Variants in RPS6KC1 observed in about 807,000 individuals in gnomAD.
RPS6KC1 encodes inactive ribosomal protein S6 kinase delta-1.
RPS6KC1 carries 54 observed loss-of-function variants against 103.8 expected under a neutral mutation model. That is an observed-to-expected ratio of 0.52 (90% CI 0.42 to 0.65). The LOEUF is 0.65. Ranked by LOEUF, RPS6KC1 falls within the 30% of genes least tolerant of loss-of-function variation. The pLI is 0.00. For missense variants in RPS6KC1, 1,151 were observed against 1,253.8 expected (o/e 0.92, Z 1.24); for synonymous variants, 439 against 438.7 (o/e 1.00, Z -0.01).
chr1:213,137,274 T>G (rs2149052886), intron 6 of RPS6KC1, among the ~76,000 whole-genome samples: 1 of 152,102 alleles, frequency 6.6e-6, no homozygotes, highest in East Asian at 1.9e-4. Context: ...GCTCTCACTT[T>G]TTATTTTCTT....
At chr1:213,693,070 A>T in the RPS6KC1 span, among the ~76,000 whole-genome samples, 1 of 152,118 alleles carries the variant, frequency 6.6e-6, no homozygotes, top group African/African-American at 2.4e-5. Context: ...CAAGAAAAAA[A>T]CCCCAAATCT....
the RPS6KC1 span, among the ~76,000 whole-genome samples, chr1:213,613,009 A>C: frequency 1.3e-5 from 2 of 152,150 alleles, no homozygotes; most frequent in Non-Finnish European, 2.9e-5. Context: ...CATCGCTTTT[A>C]TGTCTGCGGG....
the RPS6KC1 span, among the ~76,000 whole-genome samples, chr1:213,285,419 G>A: frequency 6.6e-6 from 1 of 152,100 alleles, no homozygotes; most frequent in African/African-American, 2.4e-5. Context: ...CGAGTTCTTC[G>A]TAAGAAACCT....
chr1:213,698,268 G>A, the RPS6KC1 span, among the ~76,000 whole-genome samples: 16 of 152,140 alleles, frequency 1.1e-4, no homozygotes, highest in African/African-American at 1.7e-4. Flanking sequence ...TGTGGTTTCC[G>A]CTGTTATCAC....
At chr1:213,184,822 T>C (rs934563849) in intron 8 of RPS6KC1, among the ~76,000 whole-genome samples, 4 of 152,198 alleles carry the variant, frequency 2.6e-5, no homozygotes, top group African/African-American at 9.7e-5. Flanking sequence ...GTTATTGATT[T>C]TGTGTTTTAT....
the RPS6KC1 span, among the ~76,000 whole-genome samples, chr1:213,742,732 G>A: frequency 1.3e-4 from 20 of 152,266 alleles, no homozygotes; most frequent in Non-Finnish European, 1.9e-4. Flanking sequence ...ATGCAATGCA[G>A]GCCAAAGGGC....
chr1:213,160,761 A>C (rs984845732), intron 6 of RPS6KC1, among the ~76,000 whole-genome samples: 1 of 150,904 alleles, frequency 6.6e-6, no homozygotes, highest in African/African-American at 2.4e-5. Context: ...ACAAAACCAA[A>C]CACCACATAT....
intron 12 of RPS6KC1, among the ~76,000 whole-genome samples, chr1:213,255,291 A>C (rs576463408): frequency 6.6e-6 from 1 of 151,224 alleles, no homozygotes; most frequent in African/African-American, 2.4e-5. Context: ...CTGCCACTGC[A>C]CTCCAGCCTA....
the RPS6KC1 span, among the ~76,000 whole-genome samples, chr1:213,575,186 G>A: frequency 2.0e-5 from 3 of 152,214 alleles, no homozygotes; most frequent in African/African-American, 7.2e-5. Flanking sequence ...TTATTATGAT[G>A]TCATGAGTGT....
At chr1:213,402,615 G>A in the RPS6KC1 span, among the ~76,000 whole-genome samples, 1 of 152,136 alleles carries the variant, frequency 6.6e-6, no homozygotes, top group African/African-American at 2.4e-5. Context: ...GGAGTTAAGA[G>A]ATGTATCTGT....
At chr1:213,132,177 C>G (rs1457255872) in intron 6 of RPS6KC1, among the ~76,000 whole-genome samples, 1 of 152,164 alleles carries the variant, frequency 6.6e-6, no homozygotes, top group African/African-American at 2.4e-5. Flanking sequence ...TACTAGACTG[C>G]TATCTTAAGG....
chr1:213,695,309 C>A, the RPS6KC1 span, among the ~76,000 whole-genome samples: 3 of 152,166 alleles, frequency 2.0e-5, no homozygotes, highest in Non-Finnish European at 4.4e-5. Context: ...GAGAAAATAG[C>A]TATTATTCCT....
At chr1:213,304,585 C>A in the RPS6KC1 span, among the ~76,000 whole-genome samples, 1 of 150,952 alleles carries the variant, frequency 6.6e-6, no homozygotes, top group Non-Finnish European at 1.5e-5. Context: ...TCTTGTTGCC[C>A]AGGCTGGAGT....
chr1:213,259,961 A>AAAACC (rs2094744498), intron 12 of RPS6KC1, among the ~76,000 whole-genome samples: 1 of 151,868 alleles, frequency 6.6e-6, no homozygotes, highest in Non-Finnish European at 1.5e-5. Flanking sequence ...CTGGTCCTGA[A>AAAACC]CCTCTGACCT....
the RPS6KC1 span, among the ~76,000 whole-genome samples, chr1:213,487,461 C>A: frequency 6.6e-6 from 1 of 151,850 alleles, no homozygotes; most frequent in Admixed American, 6.6e-5. Flanking sequence ...TTTTTGTTGC[C>A]TTCCAATCCA....
intron 7 of RPS6KC1, among the ~76,000 whole-genome samples, chr1:213,169,360 A>G (rs879593050): frequency 2.0e-5 from 3 of 152,220 alleles, no homozygotes; most frequent in Admixed American, 1.3e-4. Context: ...TGCAAGCCAT[A>G]TATACTTATG....
the RPS6KC1 span, among the ~76,000 whole-genome samples, chr1:213,745,227 GT>G: frequency 2.5e-3 from 365 of 147,748 alleles, 1 homozygote; most frequent in South Asian, 3.4e-3. Context: ...GGAAGCTAGG[GT>G]TTTTTTTTTT....
the RPS6KC1 span, among the ~76,000 whole-genome samples, chr1:213,326,599 T>C: frequency 6.6e-6 from 1 of 152,230 alleles, no homozygotes; most frequent in African/African-American, 2.4e-5. Context: ...CCCTTCCCTG[T>C]TTCCTCTTCA....
chr1:213,418,882 C>T, the RPS6KC1 span, among the ~76,000 whole-genome samples: 1 of 152,222 alleles, frequency 6.6e-6, no homozygotes, highest in African/African-American at 2.4e-5. Context: ...CAGCTCCCCC[C>T]AGCTGCAGGT....
Sources: allele counts gnomAD v4.1 joint callset (sites outside exome capture counted in the v4.1 genomes callset), GRCh38; gene constraint gnomAD v4.1.1; transcripts MANE v1.5; gene names NCBI Gene and HGNC (gene_info 2026-07-23, HGNC 2026-07-21).